DUSP3: variants seen among roughly 807,000 people sequenced by gnomAD.
DUSP3 encodes the protein dual specificity protein phosphatase 3.
A neutral mutation model predicts 15.5 loss-of-function variants in DUSP3; 7 were observed. The ratio of observed to expected loss-of-function variants is 0.45; its 90% confidence interval spans 0.26 to 0.85. The LOEUF (loss-of-function observed/expected upper bound fraction) is 0.85. Ranked by LOEUF, DUSP3 falls within the 40% of genes least tolerant of loss-of-function variation. DUSP3 has a pLI of 0.18. For missense variants in DUSP3, 209 were observed against 251.7 expected (o/e 0.83, Z 1.15); for synonymous variants, 86 against 104.2 (o/e 0.83, Z 1.07).
chr17:43,778,755 C>G, intron 1 of DUSP3, 45 bp downstream of exon 1: 1 of 1,476,020 alleles, frequency 6.8e-7, no homozygotes, highest in Non-Finnish European at 9.0e-7. Context: ...GTGGGCGGGG[C>G]GTCCCGAGAG....
chr17:43,771,812 C>A (rs1196406918), intron 2 of DUSP3, among the ~76,000 whole-genome samples: 2 of 152,142 alleles, frequency 1.3e-5, no homozygotes, highest in Non-Finnish European at 2.9e-5. Flanking sequence ...AGTTCGAGAC[C>A]ATCCTGGCCA....
At position 43,778,884 on chromosome 17, in the gene DUSP3, T is replaced by C; in HGVS notation, c.41A>G (p.Asp14Gly). ...GCAGCCGCTGCCGTCCGAGAGCAGG[T>C]CGTTGAGATCCTGCACCGAGAGCTC... ...SFELSVQDLN[D>G]LLSDGSGCYS... The change falls in exon 1 of 3, where the codon GAC becomes GGC. Residue 14 changes from aspartate to glycine, a missense_variant. Transcript: ENST00000226004. The C allele has an allele frequency of 1.3e-6, 2 of 1,513,880 alleles. No individual in the cohort carries two copies. The highest frequency in any genetic ancestry group is 1.8e-6 in the Non-Finnish European group (2 of 1,131,818). 93.8% of individuals were successfully genotyped at this position (1,513,880 alleles called of 1,614,324 possible). A position where few individuals can be genotyped will look rare whatever the true frequency, so the allele number is the denominator to read the frequency against.
At chr17:43,770,279 C>T (rs1974297780) in intron 2 of DUSP3, among the ~76,000 whole-genome samples, 1 of 152,162 alleles carries the variant, frequency 6.6e-6, no homozygotes, top group African/African-American at 2.4e-5. Flanking sequence ...TGCCACTTAG[C>T]AGAAGCAACA....
At chr17:43,777,722 G>T in intron 1 of DUSP3, 4 of 341,738 alleles carry the variant, frequency 1.2e-5, no homozygotes, top group South Asian at 9.0e-5. Context: ...TTCCAAGGCT[G>T]TACAGGCATG....
At chr17:43,776,302 T>C (rs774433156) in intron 1 of DUSP3, among the ~76,000 whole-genome samples, 1 of 152,232 alleles carries the variant, frequency 6.6e-6, no homozygotes, top group Non-Finnish European at 1.5e-5. Context: ...GCAATATCCC[T>C]GCTTAACAGA....
chr17:43,777,632 G>A, intron 1 of DUSP3: 1 of 447,916 alleles, frequency 2.2e-6, no homozygotes, highest in Admixed American at 2.4e-5. Flanking sequence ...TTTTCAACAT[G>A]CCATCCTTGG....
At chr17:43,774,590 G>A (rs1199773053) in intron 2 of DUSP3, 122 bp downstream of exon 2, 13 of 1,102,826 alleles carry the variant, frequency 1.2e-5, no homozygotes, top group East Asian at 5.1e-5. Flanking sequence ...CAGCTCTGTC[G>A]TTCACCCCAG....
At chr17:43,773,090 TGACCAGGAAG>T (rs1164699612) in intron 2 of DUSP3, among the ~76,000 whole-genome samples, 11 of 152,280 alleles carry the variant, frequency 7.2e-5, no homozygotes, top group South Asian at 2.1e-4. Context: ...GGGGTGACAG[TGACCAGGAAG>T]GACCATGAGG....
intron 2 of DUSP3, among the ~76,000 whole-genome samples, chr17:43,774,399 A>T (rs142444147): frequency 4.5e-4 from 68 of 152,172 alleles, no homozygotes; most frequent in Non-Finnish European, 8.2e-4. Context: ...TAACACATTA[A>T]CACATCTTCC....
At chr17:43,776,870 G>T (rs58831660) in intron 1 of DUSP3, among the ~76,000 whole-genome samples, 6,900 of 152,276 alleles carry the variant, frequency 0.045, 541 homozygotes, top group African/African-American at 0.16. Context: ...GGCTGACACT[G>T]TGGGACTCTG....
intron 2 of DUSP3, among the ~76,000 whole-genome samples, chr17:43,773,640 G>C (rs1026756043): frequency 1.4e-4 from 21 of 152,120 alleles, no homozygotes; most frequent in African/African-American, 5.1e-4. Context: ...GAGATGTGAG[G>C]GGTATTTCTG....
chr17:43,771,016 G>A (rs201183352), intron 2 of DUSP3, among the ~76,000 whole-genome samples: 3 of 102,424 alleles, frequency 2.9e-5, no homozygotes, highest in South Asian at 3.4e-4. Flanking sequence ...GTGTGTGTGT[G>A]TGTGTATGTG....
intron 1 of DUSP3, among the ~76,000 whole-genome samples, chr17:43,775,828 C>T (rs1348084339): frequency 6.6e-6 from 1 of 152,082 alleles, no homozygotes; most frequent in African/African-American, 2.4e-5. Context: ...AATAATTTAT[C>T]TAAGGTCGGG....
In DUSP3 at chr17:43,766,319, G is replaced by A. The variant is rs1458206595; in HGVS notation, c.*3290C>T. 1.3e-5 allele frequency: 2 copies of A among 152,110 alleles called. No individual in the cohort carries two copies. The highest frequency in any genetic ancestry group is 3.8e-4 in the East Asian group (2 of 5,196). 9.4% of individuals were successfully genotyped at this position (152,110 alleles called of 1,614,324 possible). On this transcript the variant is annotated 3_prime_UTR_variant, in exon 3 of 3. Transcript: ENST00000226004. ...GGCGTTAAGAGGCAACAAAAGTTAA[G>A]CTTCCAACGAATCTGTTCTCTCAAC...
At chr17:43,774,990 G>A in intron 1 of DUSP3, 52 bp from the exon 2 acceptor site, 1 of 1,571,244 alleles carries the variant, frequency 6.4e-7, no homozygotes, top group Non-Finnish European at 8.8e-7. Context: ...GGCAGCCCCA[G>A]GGGGAGGAAG....
chr17:43,776,088 T>C (rs1299594452), intron 1 of DUSP3, among the ~76,000 whole-genome samples: 1 of 152,190 alleles, frequency 6.6e-6, no homozygotes, highest in Admixed American at 6.5e-5. Flanking sequence ...TATTGCACTC[T>C]AGCCTGGGTG....
Position 43,766,193 on chromosome 17 carries a change from C to T in DUSP3, c.*3416G>A, listed in dbSNP as rs1183595897. The T allele has an allele frequency of 6.6e-6, 1 of 152,592 alleles. No individual in the cohort carries two copies. The highest frequency in any genetic ancestry group is 6.5e-5 in the Admixed American group (1 of 15,280). The allele number at this position is 152,592 out of a possible 1,614,324, so 9.5% of individuals were successfully genotyped here. A position where few individuals can be genotyped will look rare whatever the true frequency, so the allele number is the denominator to read the frequency against. On this transcript the variant is annotated 3_prime_UTR_variant, in exon 3 of 3. Coordinates refer to ENST00000226004, the MANE Select transcript of DUSP3 (RefSeq NM_004090.4). ...TAACACTGATTTGTGATACAACGGA[C>T]ATTAAACTTCCTTTTAAAAAGAAAA...
chr17:43,769,628 T>C lies in DUSP3; in HGVS notation c.539A>G (p.Glu180Gly). ...GGTGCCCTAGGGTTTCAACTTCCCC[T>C]CCTTGGCTAGTCTGTCATTGAGCTG... ...LCQLNDRLAKEGKLKP is the reference protein window; with the variant it reads ...LCQLNDRLAKGGKLKP The change falls in exon 3 of 3, where the codon GAG (glutamate) becomes GGG (glycine). Residue 180 changes from glutamate (E) to glycine (G), a missense_variant. By Grantham distance (98) the Glu-to-Gly change is moderately conservative (BLOSUM62 -2). Transcript: ENST00000226004. 6.2e-7 allele frequency: 1 copy of C among 1,612,038 alleles called. No homozygotes were observed. The highest frequency in any genetic ancestry group is 8.5e-7 in the Non-Finnish European group (1 of 1,179,798).
At chr17:43,772,931 G>T (rs139733480) in intron 2 of DUSP3, among the ~76,000 whole-genome samples, 97 of 152,310 alleles carry the variant, frequency 6.4e-4, no homozygotes, top group African/African-American at 2.3e-3. Flanking sequence ...TTGGAAAGAG[G>T]AAACAAAGTC....
Sources: allele counts gnomAD v4.1 joint callset (sites outside exome capture counted in the v4.1 genomes callset), GRCh38; gene constraint gnomAD v4.1.1; transcripts MANE v1.5; gene names NCBI Gene and HGNC (gene_info 2026-07-23, HGNC 2026-07-21).